Variants in KDM1A observed in about 807,000 individuals in gnomAD.
The protein encoded by KDM1A is lysine-specific histone demethylase 1A.
KDM1A carries 49 observed loss-of-function variants against 109.4 expected under a neutral mutation model. The ratio of observed to expected loss-of-function variants is 0.45; its 90% confidence interval spans 0.36 to 0.57. The LOEUF is 0.57. Among genes scored for constraint, KDM1A ranks in the 20% least tolerant of loss-of-function variants. The pLI is 0.00. For synonymous variants in KDM1A, 380 were observed against 415.4 expected (o/e 0.91, Z 1.04); for missense variants, 668 against 1,116.6 (o/e 0.60, Z 5.73).
chr1:23,021,637 C>G (rs958022649), intron 1 of KDM1A, among the ~76,000 whole-genome samples: 9 of 152,142 alleles, frequency 5.9e-5, no homozygotes, highest in Non-Finnish European at 8.8e-5. Context: ...TGCACTTCAG[C>G]CTGGGCAACA....
intron 2 of KDM1A, among the ~76,000 whole-genome samples, chr1:23,043,955 CT>C (rs1642429056): frequency 6.6e-6 from 1 of 152,184 alleles, no homozygotes; most frequent in Admixed American, 6.5e-5. Context: ...GAGACTGAGT[CT>C]TTTAATTATA....
At chr1:23,056,402 G>C (rs1330071167) in intron 7 of KDM1A, among the ~76,000 whole-genome samples, 1 of 152,008 alleles carries the variant, frequency 6.6e-6, no homozygotes, top group East Asian at 1.9e-4. Flanking sequence ...AAAAAAAGCT[G>C]CTTCTCAGGC....
chr1:23,026,088 TAA>T, intron 1 of KDM1A, among the ~76,000 whole-genome samples: 1 of 151,974 alleles, frequency 6.6e-6, no homozygotes, highest in South Asian at 2.1e-4. Flanking sequence ...GACCCTGTCT[TAA>T]AAAAATAAAA....
At chr1:23,059,841 C>T (rs1008981195) in intron 9 of KDM1A, among the ~76,000 whole-genome samples, 2 of 152,056 alleles carry the variant, frequency 1.3e-5, no homozygotes, top group Admixed American at 6.6e-5. Flanking sequence ...AAAATGAGAG[C>T]CCACACTTCT....
chr1:23,040,111 T>C (rs1642262877), intron 2 of KDM1A, among the ~76,000 whole-genome samples: 1 of 152,238 alleles, frequency 6.6e-6, no homozygotes. Flanking sequence ...TAAATTTATC[T>C]TCTATTGGAA....
At chr1:23,082,424 T>G in intron 20 of KDM1A, 58 bp downstream of exon 20, 27 of 1,400,502 alleles carry the variant, frequency 1.9e-5, no homozygotes, top group East Asian at 4.8e-5. Flanking sequence ...TCTCATGATG[T>G]CCCTGATTTT....
At chr1:23,058,992 G>T in intron 8 of KDM1A, 81 bp from the exon 9 acceptor site, 3 of 727,926 alleles carry the variant, frequency 4.1e-6, no homozygotes, top group Non-Finnish European at 6.3e-6. Flanking sequence ...TTTATATTTT[G>T]AGTAAAAATA....
intron 2 of KDM1A, among the ~76,000 whole-genome samples, chr1:23,037,562 T>C (rs1019221558): frequency 6.6e-6 from 1 of 152,218 alleles, no homozygotes; most frequent in African/African-American, 2.4e-5. Flanking sequence ...TGAGAACACT[T>C]ACCCACTTTC....
intron 2 of KDM1A, among the ~76,000 whole-genome samples, chr1:23,043,791 T>A (rs921763466): frequency 2.1e-4 from 32 of 152,350 alleles, no homozygotes; most frequent in African/African-American, 7.5e-4. Context: ...CTTGCCTGCC[T>A]TTCTCTGTGT....
intron 19 of KDM1A, chr1:23,081,999 T>TCGTA: frequency 2.8e-6 from 1 of 358,906 alleles, no homozygotes; most frequent in Admixed American, 5.1e-5. Context: ...GATCTCTGGA[T>TCGTA]TCATAGACAG....
intron 1 of KDM1A, among the ~76,000 whole-genome samples, chr1:23,026,411 G>T (rs1221147323): frequency 6.9e-6 from 1 of 145,514 alleles, no homozygotes; most frequent in South Asian, 2.1e-4. Context: ...TTTTTTTGAG[G>T]CAGTGTCTCA....
intron 2 of KDM1A, among the ~76,000 whole-genome samples, chr1:23,035,202 T>G (rs1642106674): frequency 6.6e-6 from 1 of 152,096 alleles, no homozygotes; most frequent in African/African-American, 2.4e-5. Context: ...AGGCTGTTTT[T>G]GTTTGTTTGT....
At chr1:23,057,979 A>C (rs564051220) in intron 8 of KDM1A, 1 of 154,954 alleles carries the variant, frequency 6.5e-6, no homozygotes, top group African/African-American at 2.4e-5. Context: ...AGGTTTCACT[A>C]TGTTGGCCAG....
chr1:23,028,003 A>G (rs1264112609), intron 1 of KDM1A, among the ~76,000 whole-genome samples: 2 of 152,018 alleles, frequency 1.3e-5, no homozygotes, highest in Admixed American at 6.6e-5. Context: ...ACCTGTAGGT[A>G]TTTTTCTCAT....
chr1:23,041,165 T>C (rs988027641), intron 2 of KDM1A, among the ~76,000 whole-genome samples: 1 of 152,178 alleles, frequency 6.6e-6, no homozygotes, highest in African/African-American at 2.4e-5. Flanking sequence ...AGAATTGGTC[T>C]ATAATATACT....
At chr1:23,053,474 G>A (rs985765998) in intron 4 of KDM1A, among the ~76,000 whole-genome samples, 7 of 151,940 alleles carry the variant, frequency 4.6e-5, no homozygotes, top group Non-Finnish European at 1.0e-4. Context: ...CAGCCTCGAC[G>A]TCCCGGGCTC....
In KDM1A at chr1:23,072,118, T is replaced by C; in HGVS notation, c.1549-6T>C. 1 of 1,597,860 alleles carries C rather than the reference T, an allele frequency of 6.3e-7. No homozygotes were observed. The highest frequency in any genetic ancestry group is 8.6e-7 in the Non-Finnish European group (1 of 1,168,686). On this transcript the variant is annotated splice_region_variant and splice_polypyrimidine_tract_variant and intron_variant, in intron 13 of 20. Transcript: ENST00000400181. ...GGGTAACTCAGGTTCACTTAATTTTTATCAGGAATATGATGAATTAGCTGA... is the reference window on the plus strand; with the variant it reads ...GGGTAACTCAGGTTCACTTAATTTTCATCAGGAATATGATGAATTAGCTGA...
chr1:23,051,422 G>A (rs866287539), intron 4 of KDM1A, among the ~76,000 whole-genome samples: 18 of 152,224 alleles, frequency 1.2e-4, no homozygotes, highest in African/African-American at 4.1e-4. Flanking sequence ...TGGACATATT[G>A]CCAGATTGCT....
chr1:23,082,136 C>A, intron 19 of KDM1A, 84 bp from the exon 20 acceptor site: 1 of 1,455,138 alleles, frequency 6.9e-7, no homozygotes, highest in Non-Finnish European at 9.4e-7. Flanking sequence ...CTTGCATCTC[C>A]ACCCACCACT....
Sources: allele counts gnomAD v4.1 joint callset (sites outside exome capture counted in the v4.1 genomes callset), GRCh38; gene constraint gnomAD v4.1.1; transcripts MANE v1.5; gene names NCBI Gene and HGNC (gene_info 2026-07-23, HGNC 2026-07-21).